MAPRE2: variants seen among roughly 807,000 people sequenced by gnomAD.
MAPRE2 encodes the protein microtubule-associated protein RP/EB family member 2.
Under a neutral mutation model 43.2 loss-of-function variants are expected in MAPRE2, and 13 were observed. The observed-to-expected ratio is 0.30, with a 90% CI of 0.20 to 0.48. The LOEUF (loss-of-function observed/expected upper bound fraction) is 0.48. Ranked by LOEUF, MAPRE2 falls within the 20% of genes least tolerant of loss-of-function variation. MAPRE2 has a pLI of 0.99. For missense variants in MAPRE2, 161 were observed against 400.2 expected (o/e 0.40, Z 5.10); for synonymous variants, 135 against 148.8 (o/e 0.91, Z 0.68).
At chr18:34,985,017 A>G (rs1330642000) in intron 1 of MAPRE2, among the ~76,000 whole-genome samples, 1 of 76,088 alleles carries the variant, frequency 1.3e-5, no homozygotes, top group Non-Finnish European at 2.3e-5. Context: ...ATTTTATGTT[A>G]TATAATATAT....
At chr18:35,088,437 T>C (rs1907980567) in intron 2 of MAPRE2, among the ~76,000 whole-genome samples, 1 of 152,182 alleles carries the variant, frequency 6.6e-6, no homozygotes, top group African/African-American at 2.4e-5. Context: ...AGAGGCCTGA[T>C]AACAGGGTAT....
chr18:35,118,500 A>G (rs1441884770), intron 4 of MAPRE2, among the ~76,000 whole-genome samples: 10 of 152,156 alleles, frequency 6.6e-5, no homozygotes, highest in Non-Finnish European at 1.5e-5. Flanking sequence ...AGGGTTTCCT[A>G]AACTATAGCA....
chr18:35,135,871 T>C (rs571267184), intron 6 of MAPRE2, among the ~76,000 whole-genome samples: 1 of 152,348 alleles, frequency 6.6e-6, no homozygotes, highest in Admixed American at 6.5e-5. Context: ...TGGTCTGCCT[T>C]TCCCAGAGCC....
rs956078441 is a variant in MAPRE2, at chr18:35,140,689, GC to G, written c.*322del. 3.1e-6 allele frequency: 1 copy of G among 317,752 alleles called. No homozygotes were observed. Among genetic ancestry groups the G allele is most frequent in the Non-Finnish European group, 5.8e-6 (1 of 172,286 alleles). 19.7% of individuals were successfully genotyped at this position (317,752 alleles called of 1,614,324 possible). On this transcript the variant is annotated 3_prime_UTR_variant, in exon 7 of 7. Coordinates refer to ENST00000300249, the MANE Select transcript of MAPRE2 (RefSeq NM_014268.4). ...AACTCTTTCCCACCCCAACACCACTGCCACCACCCCTCTTTTTATCCTGGTG... is the reference window on the plus strand; with the variant it reads ...AACTCTTTCCCACCCCAACACCACTGCACCACCCCTCTTTTTATCCTGGTG...
intron 1 of MAPRE2, among the ~76,000 whole-genome samples, chr18:35,059,448 T>C (rs1252994686): frequency 6.6e-6 from 1 of 152,242 alleles, no homozygotes; most frequent in Non-Finnish European, 1.5e-5. Context: ...TTGGCACACC[T>C]TTGTTTGCAT....
Position 35,013,681 on chromosome 18 carries a change from C to T in MAPRE2, c.-8+8128C>T, listed in dbSNP as rs771597422. 8.4e-4 allele frequency among the ~76,000 whole-genome samples: 128 copies of T among 152,078 alleles called. 3 individuals are homozygous for T. The highest frequency in any genetic ancestry group is 2.9e-4 in the Non-Finnish European group (20 of 67,998). ...TCCCTATCCTTTCCTTCCCCCAACC[C>T]TTCCCAGCCTCTAGTATCCTGTCTT... On this transcript the variant is annotated intron_variant, in intron 2 of 7. Transcript: ENST00000413393.
At chr18:35,082,557 G>A (rs1250868061) in intron 2 of MAPRE2, among the ~76,000 whole-genome samples, 1 of 151,896 alleles carries the variant, frequency 6.6e-6, no homozygotes, top group Non-Finnish European at 1.5e-5. Flanking sequence ...TTTGCTTGGA[G>A]TATCTCCTTT....
At chr18:35,120,147 C>G (rs1909609058) in intron 4 of MAPRE2, among the ~76,000 whole-genome samples, 1 of 152,204 alleles carries the variant, frequency 6.6e-6, no homozygotes, top group Non-Finnish European at 1.5e-5. Flanking sequence ...GCAGAGCCCC[C>G]ACTCTTGACC....
chr18:35,131,436 T>A (rs1260706832), intron 5 of MAPRE2, among the ~76,000 whole-genome samples: 3 of 152,156 alleles, frequency 2.0e-5, no homozygotes, highest in African/African-American at 7.2e-5. Context: ...GACTGGGATG[T>A]CCAAGATCAA....
At chr18:34,984,598 C>A (rs1336476522) in intron 1 of MAPRE2, 2 of 151,272 alleles carry the variant, frequency 1.3e-5, no homozygotes, top group African/African-American at 4.9e-5. Context: ...CCACGTTAAC[C>A]CCTAGTGCTT....
intron 4 of MAPRE2, among the ~76,000 whole-genome samples, chr18:35,120,039 G>A (rs1434867521): frequency 6.6e-6 from 1 of 152,146 alleles, no homozygotes; most frequent in Non-Finnish European, 1.5e-5. Context: ...TGAGAAGTTG[G>A]TGCTGCTCCT....
rs551530571 is a variant in MAPRE2 at position 35,122,613 on chromosome 18, C to T, written c.611-4335C>T. On this transcript the variant is annotated intron_variant, in intron 4 of 6. Transcript: ENST00000300249. ...CATTTCTTCCTTCACTCAGCCTGCA[C>T]TGTGTCCCCGTTAGTGAGGCTTAAC... 4.6e-5 allele frequency among the ~76,000 whole-genome samples: 7 copies of T among 152,312 alleles called. No homozygotes were observed. The South Asian group carries it at 1.5e-3, about 32-fold the overall frequency.
At position 35,027,638 on chromosome 18, in the gene MAPRE2, AT is replaced by A. The variant is rs1299346657; in HGVS notation, c.-8+22089del. On this transcript the variant is annotated intron_variant, in intron 2 of 7. Coordinates refer to the MAPRE2 transcript ENST00000413393. ...AGATAATAATAAAATGATTATTGCT[AT>A]TTTAATCCACCAAGTTTAGAGTCAC... 7.9e-5 allele frequency among the ~76,000 whole-genome samples: 12 copies of A among 152,360 alleles called. No homozygotes were observed. The South Asian group carries it at 2.3e-3, about 29-fold the overall frequency.
intron 1 of MAPRE2, among the ~76,000 whole-genome samples, chr18:34,986,735 G>A (rs926224717): frequency 3.3e-5 from 5 of 152,170 alleles, no homozygotes; most frequent in Admixed American, 2.0e-4. Flanking sequence ...CTGACCTTCA[G>A]CACTTCAAGA....
intron 2 of MAPRE2, among the ~76,000 whole-genome samples, chr18:35,028,140 A>C (rs188607607): frequency 5.8e-4 from 88 of 152,344 alleles, no homozygotes; most frequent in Admixed American, 3.9e-4. Context: ...CATCATTTCT[A>C]CCAAAATCTA....
chr18:35,127,107 C>T lies in MAPRE2; in HGVS notation c.750+20C>T, dbSNP rs748455581. 4 of 1,613,926 alleles carry T rather than the reference C, an allele frequency of 2.5e-6. No individual in the cohort carries two copies. The highest frequency in any genetic ancestry group is 3.4e-6 in the Non-Finnish European group (4 of 1,179,862). On this transcript the variant is annotated intron_variant, in intron 5 of 6. Coordinates refer to ENST00000300249, the MANE Select transcript of MAPRE2 (RefSeq NM_014268.4). ...GAACAGGTAATGCATCAGCTCTGGC[C>T]ACGCCTCTAGGAGCAGTGACGTGTG...
At chr18:35,051,649 G>A (rs1427643889) in intron 1 of MAPRE2, among the ~76,000 whole-genome samples, 1 of 152,214 alleles carries the variant, frequency 6.6e-6, no homozygotes, top group African/African-American at 2.4e-5. Flanking sequence ...CCAGGAAGTT[G>A]CTTGAAGAGG....
At chr18:35,017,482 A>T (rs1408944754) in intron 2 of MAPRE2, among the ~76,000 whole-genome samples, 2 of 151,522 alleles carry the variant, frequency 1.3e-5, no homozygotes, top group Non-Finnish European at 2.9e-5. Context: ...GATTTCTTTC[A>T]GCAGTGTTTT....
chr18:35,004,300 A>G (rs1370360279), intron 1 of MAPRE2, among the ~76,000 whole-genome samples: 2 of 152,210 alleles, frequency 1.3e-5, no homozygotes, highest in Non-Finnish European at 2.9e-5. Flanking sequence ...ATTTTTACAC[A>G]ATGATTTTAA....
Sources: gnomAD v4.1 joint callset for allele counts (sites outside exome capture counted in the v4.1 genomes callset) on GRCh38, gnomAD v4.1.1 for gene constraint, MANE v1.5 for transcripts, NCBI Gene and HGNC (gene_info 2026-07-23, HGNC 2026-07-21) for gene names.